The following MIGA1 variants were observed in gnomAD, a reference collection of about 807,000 sequenced individuals.
MIGA1 encodes mitoguardin 1, also known as family with sequence similarity 73, member A.
MIGA1 carries 58 observed loss-of-function variants against 82.0 expected under a neutral mutation model. The observed-to-expected ratio is 0.71, with a 90% CI of 0.57 to 0.88. The LOEUF (loss-of-function observed/expected upper bound fraction) is 0.88. Ranked by LOEUF, MIGA1 falls within the 40% of genes least tolerant of loss-of-function variation. The probability of loss-of-function intolerance (pLI) is 0.00; values close to 1 mark genes in which losing one functional copy is unlikely to be tolerated. For missense variants in MIGA1, 751 were observed against 749.1 expected (o/e 1.00, Z -0.03); for synonymous variants, 249 against 253.6 (o/e 0.98, Z 0.17).
At chr1:77,794,772 G>T (rs1168763462) in intron 2 of MIGA1, among the ~76,000 whole-genome samples, 1 of 152,130 alleles carries the variant, frequency 6.6e-6, no homozygotes, top group Non-Finnish European at 1.5e-5. Flanking sequence ...CTGCACGCTA[G>T]CCTGGGCAAC....
At chr1:77,830,805 T>G (rs1407423771) in intron 7 of MIGA1, among the ~76,000 whole-genome samples, 1 of 152,144 alleles carries the variant, frequency 6.6e-6, no homozygotes, top group African/African-American at 2.4e-5. Context: ...AGGTTAAAAA[T>G]CAGTTTTTAA....
At chr1:77,815,760 A>T (rs991814990) in intron 7 of MIGA1, among the ~76,000 whole-genome samples, 1 of 152,006 alleles carries the variant, frequency 6.6e-6, no homozygotes, top group African/African-American at 2.4e-5. Context: ...TTGAGACAGG[A>T]TATCTGTTGC....
chr1:77,845,602 G>T (rs1025196493), intron 8 of MIGA1, among the ~76,000 whole-genome samples: 2 of 152,074 alleles, frequency 1.3e-5, no homozygotes, highest in African/African-American at 4.8e-5. Flanking sequence ...TGGTATAAAT[G>T]TATGGTCTCA....
chr1:77,806,504 G>C lies in MIGA1; in HGVS notation c.511-471G>C, dbSNP rs575522109. ...GGAGTTAGGAATTTGAGAATCATCTGCATAGAGGTGATTGAAATGATTTGC... is the reference window on the plus strand; with the variant it reads ...GGAGTTAGGAATTTGAGAATCATCTCCATAGAGGTGATTGAAATGATTTGC... On this transcript the variant is annotated intron_variant, in intron 4 of 15. Coordinates refer to ENST00000370791, the MANE Select transcript of MIGA1 (RefSeq NM_198549.4). Among the ~76,000 whole-genome samples the C allele has an allele frequency of 4.7e-3, 713 of 152,336 alleles. 3 individuals are homozygous for C. Among genetic ancestry groups the C allele is most frequent in the Non-Finnish European group, 7.6e-3 (517 of 68,028 alleles).
chr1:77,787,492 A>G (rs758785847), intron 2 of MIGA1, among the ~76,000 whole-genome samples: 2 of 151,802 alleles, frequency 1.3e-5, no homozygotes, highest in Non-Finnish European at 2.9e-5. Context: ...GGTTCAAGCA[A>G]TTCTCCCTGC....
At chr1:77,847,244 A>G in intron 8 of MIGA1, 1 of 1,052,366 alleles carries the variant, frequency 9.5e-7, no homozygotes, top group Admixed American at 1.7e-5. Flanking sequence ...GAAAGCCTTC[A>G]GAGGGAAGCT....
chr1:77,817,202 C>A (rs1683604262), intron 7 of MIGA1, among the ~76,000 whole-genome samples: 1 of 152,104 alleles, frequency 6.6e-6, no homozygotes, highest in Admixed American at 6.6e-5. Flanking sequence ...TAAAAGGATT[C>A]CTTGGGTACA....
At chr1:77,813,960 A>T in intron 6 of MIGA1, 93 bp downstream of exon 6, 3 of 1,357,204 alleles carry the variant, frequency 2.2e-6, no homozygotes, top group Non-Finnish European at 3.1e-6. Flanking sequence ...CACTGTTGTT[A>T]CCCAGGCTGA....
At chr1:77,817,451 A>T (rs939722087) in intron 7 of MIGA1, among the ~76,000 whole-genome samples, 1 of 152,150 alleles carries the variant, frequency 6.6e-6, no homozygotes, top group African/African-American at 2.4e-5. Context: ...GACCCCACTC[A>T]TGTTTTAACC....
chr1:77,796,122 A>ATT (rs1231574032), intron 2 of MIGA1, among the ~76,000 whole-genome samples: 3 of 142,896 alleles, frequency 2.1e-5, no homozygotes, highest in Non-Finnish European at 3.1e-5. Flanking sequence ...ATTCAACTTA[A>ATT]TTTTTTTTTT....
At chr1:77,783,933 T>C (rs1395303690) in intron 2 of MIGA1, among the ~76,000 whole-genome samples, 1 of 152,218 alleles carries the variant, frequency 6.6e-6, no homozygotes, top group Non-Finnish European at 1.5e-5. Context: ...TGTGACTAGC[T>C]CACTTTACTT....
At chr1:77,789,923 A>G (rs574472969) in intron 2 of MIGA1, among the ~76,000 whole-genome samples, 6 of 152,122 alleles carry the variant, frequency 3.9e-5, no homozygotes, top group South Asian at 2.1e-4. Context: ...AAACAATCCA[A>G]TTATAAAACC....
intron 2 of MIGA1, among the ~76,000 whole-genome samples, chr1:77,789,675 C>T (rs544248275): frequency 6.6e-6 from 1 of 151,874 alleles, no homozygotes; most frequent in Admixed American, 6.6e-5. Flanking sequence ...TATTTATGCT[C>T]AAATGATCTC....
chr1:77,813,963 C>T (rs955515006), intron 6 of MIGA1, 96 bp downstream of exon 6: 97 of 1,317,246 alleles, frequency 7.4e-5, no homozygotes, highest in Non-Finnish European at 9.1e-5. Flanking sequence ...TGTTGTTACC[C>T]AGGCTGAGTC....
At chr1:77,857,095 C>A (rs7547820) in intron 8 of MIGA1, among the ~76,000 whole-genome samples, 107,352 of 151,952 alleles carry the variant, frequency 0.71, 39,926 homozygotes, top group Non-Finnish European at 0.84. Flanking sequence ...ATTCAGTTCG[C>A]AGAATTTTTA....
chr1:77,785,649 G>A lies in MIGA1; in HGVS notation c.195+2298G>A, dbSNP rs910700845. 3.3e-5 allele frequency among the ~76,000 whole-genome samples: 5 copies of A among 152,274 alleles called. No homozygotes were observed. In the East Asian group the frequency reaches 7.7e-4, roughly 24 times the overall value. On this transcript the variant is annotated intron_variant, in intron 2 of 15. Transcript: ENST00000370791. ...TGAGCCACTGCACCCGGCCAGGGCA[G>A]TCAAATATTAAAGTTCCAAAATGAT...
chr1:77,845,407 T>G (rs1458437616), intron 8 of MIGA1, among the ~76,000 whole-genome samples: 1 of 152,160 alleles, frequency 6.6e-6, no homozygotes, highest in South Asian at 2.1e-4. Flanking sequence ...TATACCTAAT[T>G]GCTCTAAAGT....
In MIGA1 at chr1:77,858,956, G is replaced by C; in HGVS notation, c.1015G>C (p.Val339Leu). 6.2e-7 allele frequency: 1 copy of C among 1,612,174 alleles called. No individual in the cohort carries two copies. Among genetic ancestry groups the C allele is most frequent in the Non-Finnish European group, 8.5e-7 (1 of 1,178,270 alleles). Residue 339 changes from valine to leucine, a missense_variant, in exon 9 of 16, where the codon GTA (valine) becomes CTA (leucine). By Grantham distance (32) the Val-to-Leu change is conservative (BLOSUM62 1). Around this residue, in one of 3 missense-constraint regions of MIGA1, gnomAD observed 482 missense variants for 439.4 expected, o/e 1.10. Coordinates refer to ENST00000370791, the MANE Select transcript of MIGA1 (RefSeq NM_198549.4). ...CTCTTAGCTTGCAGAACACAGAGAA[G>C]TACGGCATACCTACAGCCTGGAGTC...
rs184505586 is a variant in MIGA1 at position 77,801,690 on chromosome 1, T to C, written c.373+182T>C. 3.3e-5 allele frequency among the ~76,000 whole-genome samples: 5 copies of C among 152,340 alleles called. No individual in the cohort carries two copies. In the East Asian group the frequency reaches 9.6e-4, roughly 29 times the overall value. On this transcript the variant is annotated intron_variant, in intron 3 of 15. Transcript: ENST00000370791. Reference sequence around the variant, plus strand: ...AAGCAAACAAAAAATTAAAATTACTTGACATTCTGGTACCCAGAAATAACT... The same window carrying C: ...AAGCAAACAAAAAATTAAAATTACTCGACATTCTGGTACCCAGAAATAACT...
Sources: allele counts gnomAD v4.1 joint callset (sites outside exome capture counted in the v4.1 genomes callset), GRCh38; gene constraint gnomAD v4.1.1; regional missense constraint gnomAD v4.1.1; transcripts MANE v1.5; gene names NCBI Gene and HGNC (gene_info 2026-07-23, HGNC 2026-07-21).